Variants in MMP16 observed in about 807,000 individuals in gnomAD.
MMP16 encodes matrix metalloproteinase-16.
MMP16 carries 12 observed loss-of-function variants against 67.8 expected under a neutral mutation model. The observed-to-expected ratio is 0.18, with a 90% confidence interval of 0.11 to 0.29. MMP16 has a LOEUF of 0.29. Ranked by LOEUF, MMP16 falls within the 10% of genes least tolerant of loss-of-function variation. The probability of loss-of-function intolerance (pLI) is 1.00; values close to 1 mark genes in which losing one functional copy is unlikely to be tolerated. For missense variants in MMP16, 475 were observed against 765.7 expected (o/e 0.62, Z 4.48); for synonymous variants, 249 against 255.9 (o/e 0.97, Z 0.26).
At chr8:88,272,214 T>C (rs1810575109) in intron 1 of MMP16, among the ~76,000 whole-genome samples, 1 of 152,182 alleles carries the variant, frequency 6.6e-6, no homozygotes, top group South Asian at 2.1e-4. Flanking sequence ...GTGGCTATAA[T>C]GGTATCATAT....
rs779241032 is a variant in MMP16, at chr8:88,037,224, C to CA, written c.*4236dup. The CA allele has an allele frequency of 2.0e-5, 3 of 151,102 alleles. No homozygotes were observed. Among genetic ancestry groups the CA allele is most frequent in the Admixed American group, 6.6e-5 (1 of 15,040 alleles). 9.4% of individuals were successfully genotyped at this position (151,102 alleles called of 1,614,324 possible). ...ATTGGAACTAGCAGTGAAGTTTGGA[C>CA]AATGTTCTTATCCACCACATTGTGT... is the stretch of plus-strand genomic sequence containing the variant. On this transcript the variant is annotated 3_prime_UTR_variant, in exon 10 of 10. Transcript: ENST00000286614.
At chr8:88,290,876 CAT>C (rs1173114101) in intron 1 of MMP16, among the ~76,000 whole-genome samples, 1 of 152,134 alleles carries the variant, frequency 6.6e-6, no homozygotes, top group African/African-American at 2.4e-5. Flanking sequence ...ATGATTTACT[CAT>C]ATTTTATTTA....
chr8:88,124,919 G>A (rs751591481), intron 4 of MMP16, among the ~76,000 whole-genome samples: 8 of 151,850 alleles, frequency 5.3e-5, no homozygotes, highest in Non-Finnish European at 1.2e-4. Flanking sequence ...GAAGCTTGCT[G>A]GTGTTTCTTC....
intron 2 of MMP16, among the ~76,000 whole-genome samples, chr8:88,189,318 T>C (rs1165448495): frequency 6.6e-6 from 1 of 152,134 alleles, no homozygotes; most frequent in East Asian, 1.9e-4. Context: ...ATGTTATATG[T>C]AATACAAAGA....
Position 88,032,384 on chromosome 8 carries a change from A to G in MMP16, c.*9077T>C, listed in dbSNP as rs898064668. The G allele has an allele frequency of 4.6e-5, 7 of 152,146 alleles. No individual in the cohort carries two copies. Among genetic ancestry groups the G allele is most frequent in the Non-Finnish European group, 7.4e-5 (5 of 68,010 alleles). The allele number at this position is 152,146 out of a possible 1,614,324, so 9.4% of individuals were successfully genotyped here. A position where few individuals can be genotyped will look rare whatever the true frequency, so the allele number is the denominator to read the frequency against. On this transcript the variant is annotated 3_prime_UTR_variant, in exon 10 of 10. Transcript: ENST00000286614. ...CATGTTAATGGTCTATAGCAATGAG[A>G]TTAATAGCATGACCCCTTGACCTTT...
chr8:88,118,716 G>T lies in MMP16; in HGVS notation c.855C>A (p.Gly285=). ...GTAACCTACCATATATCTTCTGGAT[G>T]CCCTGTAAATCATCATTAGGTAGTT... ...NFKLPNDDLQ[G]IQKIYGPPDK... The change falls in exon 5 of 10, where the codon GGC becomes GGA. Residue 285 remains glycine, a synonymous_variant. Coordinates refer to ENST00000286614, the MANE Select transcript of MMP16 (RefSeq NM_005941.5). 1 of 1,613,094 alleles carries T rather than the reference G, an allele frequency of 6.2e-7. No individual in the cohort carries two copies.
At chr8:88,157,067 G>T (rs1808521436) in intron 4 of MMP16, among the ~76,000 whole-genome samples, 1 of 152,070 alleles carries the variant, frequency 6.6e-6, no homozygotes, top group South Asian at 2.1e-4. Flanking sequence ...TGTGATCATA[G>T]TATTGCACTC....
intron 8 of MMP16, among the ~76,000 whole-genome samples, 188 bp from the exon 9 acceptor site, chr8:88,046,972 T>C (rs566612852): frequency 3.9e-5 from 6 of 152,282 alleles, no homozygotes; most frequent in African/African-American, 1.4e-4. Context: ...GAAAATACAA[T>C]GGGCATAAGG....
At chr8:88,141,246 G>C (rs1808206067) in intron 4 of MMP16, among the ~76,000 whole-genome samples, 1 of 152,144 alleles carries the variant, frequency 6.6e-6, no homozygotes, top group Non-Finnish European at 1.5e-5. Flanking sequence ...AAATAACTCA[G>C]TAGAGTAGTC....
chr8:88,241,696 T>C (rs1810036518), intron 1 of MMP16, among the ~76,000 whole-genome samples: 1 of 152,064 alleles, frequency 6.6e-6, no homozygotes, highest in South Asian at 2.1e-4. Flanking sequence ...CTTATCACTT[T>C]TTGGTGAGAA....
At chr8:88,228,403 T>C (rs1809804303) in intron 1 of MMP16, among the ~76,000 whole-genome samples, 2 of 152,110 alleles carry the variant, frequency 1.3e-5, no homozygotes, top group South Asian at 4.1e-4. Context: ...GAATATTACA[T>C]AGCCATCAAA....
chr8:88,197,375 G>T, intron 1 of MMP16, 69 bp from the exon 2 acceptor site: 1 of 1,343,122 alleles, frequency 7.4e-7, no homozygotes, highest in Non-Finnish European at 9.9e-7. Context: ...GGTAATTAAT[G>T]TATATCTATA....
rs1216288860 is a variant in MMP16 at position 88,311,046 on chromosome 8, C to T, written c.132+16029G>A. ...TTTGAAGTAAGATATTAATAAAATA[C>T]TGTGATTATAATTATATTGGATACT... On this transcript the variant is annotated intron_variant, in intron 1 of 9. Transcript: ENST00000286614. 2.6e-5 allele frequency among the ~76,000 whole-genome samples: 4 copies of T among 151,974 alleles called. No homozygotes were observed. The East Asian group carries it at 7.7e-4, about 29-fold the overall frequency.
intron 4 of MMP16, among the ~76,000 whole-genome samples, chr8:88,155,739 A>C (rs951424266): frequency 6.6e-6 from 1 of 152,160 alleles, no homozygotes; most frequent in African/African-American, 2.4e-5. Context: ...TTTGTACAGT[A>C]ATAACAGGCT....
At chr8:88,240,212 G>A (rs764795679) in intron 1 of MMP16, among the ~76,000 whole-genome samples, 3 of 152,204 alleles carry the variant, frequency 2.0e-5, no homozygotes, top group African/African-American at 7.2e-5. Context: ...CTAACCATCA[G>A]CAATTGTTAA....
At chr8:88,183,355 T>A (rs1318555546) in intron 3 of MMP16, among the ~76,000 whole-genome samples, 1 of 152,200 alleles carries the variant, frequency 6.6e-6, no homozygotes, top group Admixed American at 6.5e-5. Flanking sequence ...CTCTGTACTA[T>A]CCGCTTAATT....
intron 6 of MMP16, among the ~76,000 whole-genome samples, chr8:88,077,426 C>T (rs1399412649): frequency 1.3e-5 from 2 of 152,178 alleles, no homozygotes; most frequent in African/African-American, 4.8e-5. Flanking sequence ...ACTGAAGTTC[C>T]TCACTGCACT....
At position 88,060,255 on chromosome 8, in the gene MMP16, G is replaced by T. The variant is rs190218354; in HGVS notation, c.1223-3977C>A. Among the ~76,000 whole-genome samples, 391 of 152,190 alleles carry T rather than the reference G, an allele frequency of 2.6e-3. 1 individual carries two copies. Among genetic ancestry groups the T allele is most frequent in the African/African-American group, 8.8e-3 (365 of 41,532 alleles). On this transcript the variant is annotated intron_variant, in intron 7 of 9. Coordinates refer to ENST00000286614, the MANE Select transcript of MMP16 (RefSeq NM_005941.5). ...GCCAGAATCCTAGCTTTAGCCAATG[G>T]TACCATGCTGTCTTCCAGCCATGAG...
intron 4 of MMP16, among the ~76,000 whole-genome samples, chr8:88,158,781 G>A (rs1482239672): frequency 3.3e-5 from 5 of 152,170 alleles, no homozygotes; most frequent in Non-Finnish European, 4.4e-5. Flanking sequence ...TTTTCTTCTA[G>A]GGTTTGTATG....
Sources: gnomAD v4.1 joint callset for allele counts (sites outside exome capture counted in the v4.1 genomes callset) on GRCh38, gnomAD v4.1.1 for gene constraint, MANE v1.5 for transcripts, NCBI Gene and HGNC (gene_info 2026-07-23, HGNC 2026-07-21) for gene names.